The following FAM114A1 variants were observed in gnomAD, a reference collection of about 807,000 sequenced individuals.
FAM114A1 encodes family with sequence similarity 114 member A1.
A neutral mutation model predicts 64.3 loss-of-function variants in FAM114A1; 62 were observed. The ratio of observed to expected loss-of-function variants is 0.96; its 90% CI spans 0.79 to 1.19. FAM114A1 has a LOEUF of 1.19. FAM114A1 is among the 50% of genes most tolerant of loss of function. The probability of loss-of-function intolerance (pLI) is 0.00; values close to 1 mark genes in which losing one functional copy is unlikely to be tolerated. For missense variants in FAM114A1, 645 were observed against 676.3 expected (o/e 0.95, Z 0.51); for synonymous variants, 254 against 251.1 (o/e 1.01, Z -0.11).
intron 10 of FAM114A1, among the ~76,000 whole-genome samples, chr4:38,929,955 C>T (rs765056071): frequency 2.0e-5 from 3 of 152,066 alleles, no homozygotes; most frequent in Non-Finnish European, 2.9e-5. Context: ...AATGTTATGT[C>T]GGAGCAGTAG....
At chr4:38,875,677 G>A (rs1000705733) in intron 2 of FAM114A1, among the ~76,000 whole-genome samples, 7 of 152,108 alleles carry the variant, frequency 4.6e-5, no homozygotes, top group Admixed American at 2.0e-4. Context: ...GCTCTGGCTA[G>A]GACTTCCACT....
In FAM114A1 at chr4:38,931,569, C is replaced by T; in HGVS notation, c.1280C>T (p.Pro427Leu). The change falls in exon 11 of 15, where the codon CCT (proline) becomes CTT (leucine). Residue 427 changes from proline to leucine, a missense_variant. Coordinates refer to ENST00000358869, the MANE Select transcript of FAM114A1 (RefSeq NM_138389.4). ...KEEKEEKSQD[P>L]QEDKKEEKKT... ...GAAAAGGAAGAGAAATCTCAAGACC[C>T]TCAAGAAGACAAAAAGGAGGAAAAG... The T allele has an allele frequency of 6.2e-7, 1 of 1,613,450 alleles. No homozygotes were observed. Among genetic ancestry groups the T allele is most frequent in the Non-Finnish European group, 8.5e-7 (1 of 1,179,824 alleles).
chr4:38,932,236 A>T lies in FAM114A1; in HGVS notation c.1325A>T (p.Glu442Val). Residue 442 changes from glutamate (E) to valine (V), a missense_variant and splice_region_variant, in exon 12 of 15, where the codon GAA becomes GTA. Coordinates refer to ENST00000358869, the MANE Select transcript of FAM114A1 (RefSeq NM_138389.4). ...CTTGCTTGTGTCTATTCATTTCAGG[A>T]AGTATACATGTCGTCCATTGAAAGT... The part of the protein sequence containing the change: ...KEEKKTKTIE[E>V]VYMSSIESLA... 1 of 1,591,712 alleles carries T rather than the reference A, an allele frequency of 6.3e-7. No homozygotes were observed. The highest frequency in any genetic ancestry group is 8.5e-7 in the Non-Finnish European group (1 of 1,174,538).
At chr4:38,935,624 A>T in intron 12 of FAM114A1, 94 bp from the exon 13 acceptor site, 6 of 834,362 alleles carry the variant, frequency 7.2e-6, no homozygotes, top group Non-Finnish European at 9.3e-6. Flanking sequence ...ATTCTTTTAA[A>T]TGTCATACTG....
At chr4:38,903,306 C>G (rs1579340690) in intron 4 of FAM114A1, among the ~76,000 whole-genome samples, 2 of 152,216 alleles carry the variant, frequency 1.3e-5, no homozygotes, top group South Asian at 4.1e-4. Flanking sequence ...GCAAAAGGAA[C>G]CAGACATTAT....
intron 12 of FAM114A1, among the ~76,000 whole-genome samples, chr4:38,935,232 T>C (rs936672031): frequency 1.3e-5 from 2 of 152,158 alleles, no homozygotes; most frequent in Admixed American, 1.3e-4. Context: ...CTTTCTTAAA[T>C]GTCCGATTTT....
intron 12 of FAM114A1, among the ~76,000 whole-genome samples, chr4:38,934,653 T>G (rs1383008201): frequency 6.6e-6 from 1 of 152,230 alleles, no homozygotes; most frequent in African/African-American, 2.4e-5. Context: ...TTTCAGTTTT[T>G]GTCATCATCC....
intron 8 of FAM114A1, among the ~76,000 whole-genome samples, chr4:38,915,718 T>C (rs575604659): frequency 1.6e-5 from 2 of 124,648 alleles, no homozygotes; most frequent in South Asian, 2.7e-4. Flanking sequence ...GGTTTGGTGA[T>C]TTTTTTCCCT....
At chr4:38,906,484 A>G (rs79399950) in intron 6 of FAM114A1, among the ~76,000 whole-genome samples, 2,913 of 152,306 alleles carry the variant, frequency 0.019, 36 homozygotes, top group Middle Eastern at 0.058. Context: ...CTCAACTGAG[A>G]TAAGGCAGGT....
intron 12 of FAM114A1, among the ~76,000 whole-genome samples, chr4:38,935,237 G>T (rs115668588): frequency 4.6e-5 from 7 of 151,994 alleles, no homozygotes; most frequent in Admixed American, 6.6e-5. Flanking sequence ...TTAAATGTCC[G>T]ATTTTCCATC....
chr4:38,896,547 T>A (rs1160106506), intron 4 of FAM114A1, among the ~76,000 whole-genome samples: 1 of 152,222 alleles, frequency 6.6e-6, no homozygotes, highest in African/African-American at 2.4e-5. Context: ...GGATCATAAG[T>A]TGCCCACACA....
intron 4 of FAM114A1, among the ~76,000 whole-genome samples, chr4:38,905,260 G>T (rs1035778428): frequency 1.3e-5 from 2 of 152,124 alleles, no homozygotes; most frequent in Admixed American, 1.3e-4. Context: ...TTAGCCGGGC[G>T]TGGTGGTGTG....
At chr4:38,914,823 C>T in intron 7 of FAM114A1, 98 bp from the exon 8 acceptor site, 1 of 1,360,910 alleles carries the variant, frequency 7.3e-7, no homozygotes, top group Non-Finnish European at 9.9e-7. Context: ...TCCCCCTCTC[C>T]AACACAAAAT....
intron 10 of FAM114A1, 26 bp downstream of exon 10, chr4:38,929,359 C>A: frequency 1.9e-6 from 3 of 1,540,446 alleles, no homozygotes; most frequent in Non-Finnish European, 2.7e-6. Context: ...TTTATAGTTT[C>A]TGGTTAAAAA....
At chr4:38,877,964 CAAAAA>C in intron 2 of FAM114A1, 102 bp from the exon 3 acceptor site, 1 of 814,240 alleles carries the variant, frequency 1.2e-6, no homozygotes, top group Non-Finnish European at 1.8e-6. Context: ...AACTCCGTCT[CAAAAA>C]AAAAAAAAAA....
At chr4:38,887,297 T>C (rs1367057400) in intron 3 of FAM114A1, among the ~76,000 whole-genome samples, 1 of 152,224 alleles carries the variant, frequency 6.6e-6, no homozygotes, top group Non-Finnish European at 1.5e-5. Flanking sequence ...TCTCACTGTT[T>C]AGAAGTCCAG....
intron 7 of FAM114A1, among the ~76,000 whole-genome samples, chr4:38,910,944 A>T (rs1314737298): frequency 6.6e-6 from 1 of 152,232 alleles, no homozygotes; most frequent in African/African-American, 2.4e-5. Context: ...AAACCATTGC[A>T]GCATTTTGAG....
At chr4:38,926,998 C>G (rs535260593) in intron 9 of FAM114A1, among the ~76,000 whole-genome samples, 1 of 152,184 alleles carries the variant, frequency 6.6e-6, no homozygotes, top group Admixed American at 6.5e-5. Flanking sequence ...CAAAGACAGC[C>G]GTCTCTGCCT....
intron 9 of FAM114A1, among the ~76,000 whole-genome samples, chr4:38,928,362 A>C (rs1720334696): frequency 6.6e-6 from 1 of 152,214 alleles, no homozygotes; most frequent in South Asian, 2.1e-4. Flanking sequence ...GAACTGTTAA[A>C]AATGGCATGG....
Sources: allele counts gnomAD v4.1 joint callset (sites outside exome capture counted in the v4.1 genomes callset), GRCh38; gene constraint gnomAD v4.1.1; transcripts MANE v1.5; gene names NCBI Gene and HGNC (gene_info 2026-07-23, HGNC 2026-07-21).